The following SGCZ variants were observed in gnomAD, a reference collection of about 807,000 sequenced individuals.
SGCZ encodes the protein sarcoglycan zeta, also known as zeta-sarcoglycan.
In SGCZ, 40 loss-of-function variants were observed where a neutral mutation model predicts 41.3. That is an observed-to-expected ratio of 0.97 (90% confidence interval 0.75 to 1.26). The LOEUF is 1.26. SGCZ is among the 50% of genes most tolerant of loss of function. The probability of loss-of-function intolerance (pLI) is 0.00; values close to 1 mark genes in which losing one functional copy is unlikely to be tolerated. For synonymous variants in SGCZ, 206 were observed against 137.5 expected (o/e 1.50, Z -3.49); for missense variants, 552 against 369.8 (o/e 1.49, Z -4.04).
At chr8:14,268,235 A>G (rs1370184585) in intron 3 of SGCZ, among the ~76,000 whole-genome samples, 1 of 149,276 alleles carries the variant, frequency 6.7e-6, no homozygotes, top group East Asian at 1.9e-4. Flanking sequence ...ATATATGTAT[A>G]GAAATTATAT....
At chr8:14,377,255 T>C (rs943297996) in intron 2 of SGCZ, among the ~76,000 whole-genome samples, 2 of 152,142 alleles carry the variant, frequency 1.3e-5, no homozygotes, top group Admixed American at 1.3e-4. Context: ...ATAAAAACCC[T>C]ACACAGTGGG....
At chr8:15,235,095 T>A (rs1483096481) in intron 1 of SGCZ, among the ~76,000 whole-genome samples, 1 of 152,064 alleles carries the variant, frequency 6.6e-6, no homozygotes, top group Non-Finnish European at 1.5e-5. Flanking sequence ...TTCTTCCCTC[T>A]CTCCACTGAT....
chr8:14,180,394 C>T (rs1804683892), intron 4 of SGCZ, among the ~76,000 whole-genome samples: 1 of 152,116 alleles, frequency 6.6e-6, no homozygotes, highest in Non-Finnish European at 1.5e-5. Flanking sequence ...GGCAGTGGAG[C>T]CACCTACCAG....
intron 1 of SGCZ, among the ~76,000 whole-genome samples, chr8:15,210,065 A>C (rs1323879439): frequency 1.3e-5 from 2 of 152,146 alleles, no homozygotes; most frequent in African/African-American, 4.8e-5. Flanking sequence ...CCAAAACATA[A>C]TGCTTCTTAC....
intron 1 of SGCZ, among the ~76,000 whole-genome samples, chr8:14,958,123 T>A (rs894257435): frequency 6.6e-5 from 10 of 152,024 alleles, no homozygotes; most frequent in African/African-American, 2.4e-4. Flanking sequence ...CCAGTAGGGG[T>A]CCTCTGGACT....
At chr8:14,862,200 G>A (rs1803773039) in intron 1 of SGCZ, among the ~76,000 whole-genome samples, 1 of 151,880 alleles carries the variant, frequency 6.6e-6, no homozygotes, top group African/African-American at 2.4e-5. Flanking sequence ...CCGTAGAAGG[G>A]CTTTCCTATT....
intron 2 of SGCZ, among the ~76,000 whole-genome samples, chr8:14,503,783 T>G (rs535849206): frequency 6.6e-6 from 1 of 152,102 alleles, no homozygotes; most frequent in South Asian, 2.1e-4. Context: ...AATAATAAAA[T>G]AAAATAACTC....
At chr8:15,184,644 AAG>A (rs1800281541) in intron 1 of SGCZ, among the ~76,000 whole-genome samples, 1 of 152,044 alleles carries the variant, frequency 6.6e-6, no homozygotes, top group Non-Finnish European at 1.5e-5. Context: ...GAGGTGAGGG[AAG>A]AGAGAGCAGG....
intron 2 of SGCZ, among the ~76,000 whole-genome samples, chr8:14,327,275 T>C (rs1486983182): frequency 1.3e-5 from 2 of 152,294 alleles, no homozygotes; most frequent in South Asian, 2.1e-4. Flanking sequence ...TGGAGGTAGA[T>C]TTAAGAAGAC....
intron 1 of SGCZ, among the ~76,000 whole-genome samples, chr8:15,084,905 T>C (rs1416736207): frequency 1.3e-5 from 2 of 152,242 alleles, no homozygotes; most frequent in African/African-American, 4.8e-5. Context: ...CTTTATCTTA[T>C]GAAACCACAC....
At chr8:14,333,365 T>C (rs375533980) in intron 2 of SGCZ, among the ~76,000 whole-genome samples, 5 of 152,240 alleles carry the variant, frequency 3.3e-5, no homozygotes, top group African/African-American at 1.2e-4. Context: ...TTAATAATAA[T>C]GTTTTGTACC....
At chr8:14,695,838 TAAAAC>T (rs113909430) in intron 1 of SGCZ, among the ~76,000 whole-genome samples, 341 of 151,972 alleles carry the variant, frequency 2.2e-3, no homozygotes, top group African/African-American at 7.9e-3. Context: ...TAACATATAA[TAAAAC>T]AAGACAAAGG....
intron 1 of SGCZ, among the ~76,000 whole-genome samples, chr8:14,767,617 A>G (rs1036738679): frequency 1.3e-5 from 2 of 152,196 alleles, no homozygotes; most frequent in African/African-American, 4.8e-5. Context: ...TTGGTGAACC[A>G]TTCTCTTTAT....
intron 1 of SGCZ, among the ~76,000 whole-genome samples, chr8:14,703,360 T>A (rs1563213615): frequency 6.6e-6 from 1 of 152,078 alleles, no homozygotes; most frequent in East Asian, 1.9e-4. Flanking sequence ...CTTCTTTGCC[T>A]GGGTGGTCTG....
intron 1 of SGCZ, among the ~76,000 whole-genome samples, chr8:15,234,727 TA>T (rs138812567): frequency 5.3e-4 from 81 of 152,232 alleles, no homozygotes; most frequent in African/African-American, 1.9e-3. Flanking sequence ...CAGCACATTT[TA>T]AAAAACCAAT....
At chr8:14,833,616 A>G (rs914877418) in intron 1 of SGCZ, among the ~76,000 whole-genome samples, 2 of 152,176 alleles carry the variant, frequency 1.3e-5, no homozygotes, top group African/African-American at 4.8e-5. Context: ...TTCTCAGCTA[A>G]TCTGAATTAA....
At chr8:15,045,081 ATATTTATTTATT>A (rs58199682) in intron 1 of SGCZ, among the ~76,000 whole-genome samples, 1 of 151,616 alleles carries the variant, frequency 6.6e-6, no homozygotes, top group Non-Finnish European at 1.5e-5. Flanking sequence ...TGAGCTTTTT[ATATTTATTTATT>A]TATTTATTTA....
chr8:14,745,537 G>C (rs747048892), intron 1 of SGCZ, among the ~76,000 whole-genome samples: 1 of 152,028 alleles, frequency 6.6e-6, no homozygotes, highest in African/African-American at 2.4e-5. Flanking sequence ...ATCTATGATC[G>C]TGCTACTGTA....
At chr8:14,115,072 G>A (rs1802483295) in intron 5 of SGCZ, among the ~76,000 whole-genome samples, 1 of 151,852 alleles carries the variant, frequency 6.6e-6, no homozygotes, top group Admixed American at 6.6e-5. Context: ...TACAGTGGAC[G>A]AGCAGAGCTT....
Sources: gnomAD v4.1 joint callset for allele counts (sites outside exome capture counted in the v4.1 genomes callset) on GRCh38, gnomAD v4.1.1 for gene constraint, MANE v1.5 for transcripts, NCBI Gene and HGNC (gene_info 2026-07-23, HGNC 2026-07-21) for gene names.